The following EPHA3 variants were observed in gnomAD, a reference collection of about 807,000 sequenced individuals.
The protein encoded by EPHA3 is ephrin type-A receptor 3.
In EPHA3, 42 loss-of-function variants were observed where a neutral mutation model predicts 107.1. The ratio of observed to expected loss-of-function variants is 0.39; its 90% CI spans 0.31 to 0.51. The LOEUF (loss-of-function observed/expected upper bound fraction) is 0.51. Ranked by LOEUF, EPHA3 falls within the 20% of genes least tolerant of loss-of-function variation. The probability of loss-of-function intolerance (pLI) is 0.78; values close to 1 mark genes in which losing one functional copy is unlikely to be tolerated. For missense variants in EPHA3, 1,183 were observed against 1,211.2 expected, an observed-to-expected ratio of 0.98 and a Z score of 0.35; for synonymous variants, 461 against 424.8, an observed-to-expected ratio of 1.09 and a Z score of -1.05.
chr3:89,267,520 C>G lies in EPHA3; in HGVS notation c.814+57000C>G, dbSNP rs147242318. Among the ~76,000 whole-genome samples the G allele has an allele frequency of 8.1e-4, 123 of 152,210 alleles. 1 individual carries two copies. Among genetic ancestry groups the G allele is most frequent in the African/African-American group, 2.9e-3 (120 of 41,542 alleles). ...TGACACAAGTCACAGCCCTGCCATT[C>G]CCCCTGGAAGCCAGGAAGCAGAATA... is the stretch of plus-strand genomic sequence containing the variant. On this transcript the variant is annotated intron_variant, in intron 3 of 16. Coordinates refer to ENST00000336596, the MANE Select transcript of EPHA3 (RefSeq NM_005233.6).
chr3:89,236,933 G>T (rs17026797), intron 3 of EPHA3, among the ~76,000 whole-genome samples: 36,837 of 152,080 alleles, frequency 0.24, 4,909 homozygotes, highest in African/African-American at 0.37. Context: ...GTTATCAAGT[G>T]TACATTCTGC....
At position 89,431,275 on chromosome 3, in the gene EPHA3, C is replaced by A. The variant is rs1449076777; in HGVS notation, c.2262C>A (p.Ile754=). The A allele has an allele frequency of 2.5e-6, 4 of 1,613,442 alleles. No individual in the cohort carries two copies. In the African/African-American group the frequency reaches 4.0e-5, roughly 16 times the overall value. The change falls in exon 13 of 17, where the codon ATC becomes ATA. Residue 754 remains isoleucine (I), a synonymous_variant. Transcript: ENST00000336596. The part of the protein sequence containing the change: ...HRDLAARNIL[I]NSNLVCKVSD... ...ACCTCGCTGCTCGGAACATCTTGATCAACAGTAACTTGGTGTGTAAGGTTT... is the reference window on the plus strand; with the variant it reads ...ACCTCGCTGCTCGGAACATCTTGATAAACAGTAACTTGGTGTGTAAGGTTT...
At chr3:89,470,426 A>G (rs900394671) in intron 15 of EPHA3, among the ~76,000 whole-genome samples, 4 of 152,214 alleles carry the variant, frequency 2.6e-5, no homozygotes, top group African/African-American at 7.2e-5. Context: ...CAGCTAACAC[A>G]TAGTGCTTAT....
intron 1 of EPHA3, among the ~76,000 whole-genome samples, chr3:89,116,625 T>C (rs2106950565): frequency 6.6e-6 from 1 of 152,018 alleles, no homozygotes; most frequent in East Asian, 1.9e-4. Flanking sequence ...ATAAATTCTG[T>C]TAACCTGGCA....
intron 3 of EPHA3, among the ~76,000 whole-genome samples, chr3:89,329,687 T>C (rs1286817199): frequency 2.0e-5 from 3 of 152,126 alleles, no homozygotes; most frequent in Non-Finnish European, 2.9e-5. Context: ...AAATTAACCA[T>C]TTTAAAGAAT....
chr3:89,436,524 T>C (rs1340212448), intron 13 of EPHA3, among the ~76,000 whole-genome samples: 1 of 151,918 alleles, frequency 6.6e-6, no homozygotes, highest in East Asian at 1.9e-4. Flanking sequence ...CACTGAAGAG[T>C]CATGAAGGAC....
intron 2 of EPHA3, among the ~76,000 whole-genome samples, chr3:89,180,054 C>T (rs1297503098): frequency 2.6e-5 from 4 of 151,840 alleles, no homozygotes; most frequent in Admixed American, 1.3e-4. Context: ...AAACAAAATG[C>T]TGTAATCTGT....
intron 11 of EPHA3, among the ~76,000 whole-genome samples, chr3:89,425,803 C>T (rs1709443932): frequency 6.6e-6 from 1 of 151,416 alleles, no homozygotes; most frequent in African/African-American, 2.4e-5. Flanking sequence ...GTTAAAATAG[C>T]TGGTGCTGAA....
chr3:89,260,976 A>G (rs1290088855), intron 3 of EPHA3, among the ~76,000 whole-genome samples: 1 of 152,138 alleles, frequency 6.6e-6, no homozygotes, highest in African/African-American at 2.4e-5. Flanking sequence ...GCTGTCTTCC[A>G]TTATCTGCAC....
At chr3:89,407,086 G>C (rs1709069459) in intron 7 of EPHA3, among the ~76,000 whole-genome samples, 183 bp from the exon 8 acceptor site, 1 of 151,986 alleles carries the variant, frequency 6.6e-6, no homozygotes, top group Non-Finnish European at 1.5e-5. Context: ...GCAAAATTAT[G>C]GGAAATGTCT....
intron 3 of EPHA3, among the ~76,000 whole-genome samples, chr3:89,255,258 C>T (rs1469844630): frequency 2.6e-5 from 4 of 152,230 alleles, no homozygotes; most frequent in African/African-American, 9.6e-5. Flanking sequence ...TCATTGTCAG[C>T]AATAGACCTT....
intron 3 of EPHA3, among the ~76,000 whole-genome samples, chr3:89,304,313 A>G (rs1449892660): frequency 6.6e-6 from 1 of 152,076 alleles, no homozygotes; most frequent in East Asian, 1.9e-4. Context: ...ACATGGTGAT[A>G]TTATTTGTTA....
intron 2 of EPHA3, among the ~76,000 whole-genome samples, chr3:89,135,844 A>T (rs1704299063): frequency 6.6e-6 from 1 of 152,016 alleles, no homozygotes; most frequent in African/African-American, 2.4e-5. Context: ...GAATCCTGTA[A>T]ATAAATCCAG....
chr3:89,394,909 T>A (rs1708817751), intron 5 of EPHA3, among the ~76,000 whole-genome samples: 1 of 152,224 alleles, frequency 6.6e-6, no homozygotes, highest in Admixed American at 6.5e-5. Context: ...ACATTTCGAT[T>A]GGCGAGTGAA....
At chr3:89,201,879 A>T (rs116310586) in intron 2 of EPHA3, among the ~76,000 whole-genome samples, 1,994 of 152,270 alleles carry the variant, frequency 0.013, 50 homozygotes, top group African/African-American at 0.046. Flanking sequence ...TTAAGTGTGA[A>T]CTTCAAGTAC....
chr3:89,249,350 G>A (rs1259576820), intron 3 of EPHA3, among the ~76,000 whole-genome samples: 4 of 152,098 alleles, frequency 2.6e-5, no homozygotes, highest in Admixed American at 2.0e-4. Context: ...ATTGAACGGC[G>A]GTGACATTTT....
At chr3:89,347,357 G>A (rs1301724636) in intron 5 of EPHA3, among the ~76,000 whole-genome samples, 5 of 148,134 alleles carry the variant, frequency 3.4e-5, no homozygotes, top group Admixed American at 1.4e-4. Context: ...TGGATTCCTA[G>A]GTATTTTATT....
At chr3:89,450,428 A>G in intron 15 of EPHA3, 58 bp downstream of exon 15, 1 of 1,541,728 alleles carries the variant, frequency 6.5e-7, no homozygotes, top group East Asian at 2.3e-5. Flanking sequence ...TGCTATCTCC[A>G]AGATGTTAAT....
intron 2 of EPHA3, among the ~76,000 whole-genome samples, chr3:89,198,076 A>C (rs1348140085): frequency 1.3e-5 from 2 of 152,252 alleles, no homozygotes; most frequent in Non-Finnish European, 2.9e-5. Context: ...AAACAGACTT[A>C]CACTGGTCAT....
Sources: allele counts gnomAD v4.1 joint callset (sites outside exome capture counted in the v4.1 genomes callset), GRCh38; gene constraint gnomAD v4.1.1; transcripts MANE v1.5; gene names NCBI Gene and HGNC (gene_info 2026-07-23, HGNC 2026-07-21).